Variants in FREM3 observed in about 807,000 individuals in gnomAD.
FREM3 encodes FRAS1 related extracellular matrix 3, also known as FRAS1-related extracellular matrix protein 3.
FREM3 carries 105 observed loss-of-function variants against 129.1 expected under a neutral mutation model. The observed-to-expected ratio is 0.81, with a 90% CI of 0.69 to 0.96. The LOEUF (loss-of-function observed/expected upper bound fraction) is 0.96. Among genes scored for constraint, FREM3 ranks in the 40% least tolerant of loss-of-function variants. The probability of loss-of-function intolerance (pLI) is 0.00; values close to 1 mark genes in which losing one functional copy is unlikely to be tolerated. For missense variants in FREM3, 2,593 were observed against 2,666.3 expected (o/e 0.97, Z 0.61); for synonymous variants, 1,014 against 1,044.9 (o/e 0.97, Z 0.57).
rs909057613 is a variant in FREM3 at position 143,695,602 on chromosome 4, C to G, written c.5074G>C (p.Asp1692His). The G allele has an allele frequency of 1.3e-6, 2 of 1,537,188 alleles. No individual in the cohort carries two copies. The highest frequency in any genetic ancestry group is 2.0e-5 in the Admixed American group (1 of 50,972). ...LITSKSLKAEDQDSPHRLLKY... is the reference protein window; with the variant it reads ...LITSKSLKAEHQDSPHRLLKY... ...AGAAGCCTGTGGGGACTGTCCTGAT[C>G]TTCTGCCTTCAGAGACTTGCTGGTA... is the stretch of plus-strand genomic sequence containing the variant. The change falls in exon 1 of 8, where the codon GAT (aspartate) becomes CAT (histidine). Residue 1692 changes from aspartate (D) to histidine (H), a missense_variant. Asp to His is a moderately conservative substitution (Grantham distance 81). Transcript: ENST00000329798.
At chr4:143,669,026 A>G (rs1739917754) in intron 2 of FREM3, among the ~76,000 whole-genome samples, 1 of 152,138 alleles carries the variant, frequency 6.6e-6, no homozygotes, top group South Asian at 2.1e-4. Context: ...ACTCCAGACA[A>G]TGAAGAGTGT....
intron 6 of FREM3, among the ~76,000 whole-genome samples, chr4:143,600,470 T>C (rs1169179611): frequency 6.6e-6 from 1 of 152,122 alleles, no homozygotes; most frequent in African/African-American, 2.4e-5. Context: ...CAAAACCCTA[T>C]TGAAATAAAA....
chr4:143,700,163 C>G lies in FREM3; in HGVS notation c.513G>C (p.Thr171=), dbSNP rs751138897. 8 of 1,537,044 alleles carry G rather than the reference C, an allele frequency of 5.2e-6. No individual in the cohort carries two copies. The highest frequency in any genetic ancestry group is 2.7e-5 in the African/African-American group (2 of 73,184). ...TCTCCACTACCAAAGGCCTGTTACG[C>G]GTCACCAGCTCCAGCTGGGAGAAGA... ...DLVFSQLELV[T]RNRPLVVEKL... Residue 171 remains threonine (T), a synonymous_variant, in exon 1 of 8, where the codon ACG becomes ACC. Coordinates refer to ENST00000329798, the MANE Select transcript of FREM3 (RefSeq NM_001168235.2).
chr4:143,652,556 A>C (rs1485578157), intron 2 of FREM3, among the ~76,000 whole-genome samples: 3 of 152,172 alleles, frequency 2.0e-5, no homozygotes, highest in Non-Finnish European at 2.9e-5. Context: ...TGAAATATAG[A>C]AAAAAAATCC....
intron 2 of FREM3, among the ~76,000 whole-genome samples, chr4:143,641,592 A>C (rs913564132): frequency 2.0e-5 from 3 of 152,316 alleles, no homozygotes; most frequent in Middle Eastern, 3.4e-3. Flanking sequence ...ACATTGCAAA[A>C]ATAGCCAAAC....
intron 2 of FREM3, among the ~76,000 whole-genome samples, chr4:143,636,869 C>T (rs906988685): frequency 6.6e-6 from 1 of 152,058 alleles, no homozygotes; most frequent in Non-Finnish European, 1.5e-5. Context: ...CAGCCACTGT[C>T]AAATGTTAAA....
chr4:143,653,018 C>T (rs546942626), intron 2 of FREM3, among the ~76,000 whole-genome samples: 1 of 152,288 alleles, frequency 6.6e-6, no homozygotes, highest in East Asian at 1.9e-4. Context: ...AATAATAGGG[C>T]TTGACTCTAT....
chr4:143,620,667 A>T (rs749692753), intron 5 of FREM3, among the ~76,000 whole-genome samples: 4 of 152,250 alleles, frequency 2.6e-5, no homozygotes, highest in Non-Finnish European at 5.9e-5. Context: ...GGCAATGCTG[A>T]CTATTAAAAA....
chr4:143,683,709 G>T (rs186286311), intron 2 of FREM3, among the ~76,000 whole-genome samples: 349 of 152,312 alleles, frequency 2.3e-3, no homozygotes, highest in Non-Finnish European at 3.6e-3. Context: ...AACTCCACAG[G>T]CAGGGAAAGA....
chr4:143,598,130 A>T (rs564990551), intron 6 of FREM3, among the ~76,000 whole-genome samples: 1 of 152,324 alleles, frequency 6.6e-6, no homozygotes, highest in South Asian at 2.1e-4. Context: ...TGGAGGTTAG[A>T]ATTTCAGCAT....
intron 1 of FREM3, among the ~76,000 whole-genome samples, chr4:143,694,987 T>C (rs1289866777): frequency 2.0e-5 from 3 of 152,142 alleles, no homozygotes. Context: ...GAAAAAATAA[T>C]CTCAGGCAAA....
chr4:143,698,258 C>T lies in FREM3; in HGVS notation c.2418G>A (p.Val806=), dbSNP rs1342690959. 2 of 1,537,536 alleles carry T rather than the reference C, an allele frequency of 1.3e-6. No homozygotes were observed. The highest frequency in any genetic ancestry group is 1.7e-6 in the Non-Finnish European group (2 of 1,146,974). ...GCACGCTATTGCCTGCAGCATCTTC[C>T]ACCTGGTAAGTAAACTGCACAACCC... ...APRVVQFTYQ[V]EDAAGNSVPG... The change falls in exon 1 of 8, where the codon GTG becomes GTA. Residue 806 remains valine, a synonymous_variant. Transcript: ENST00000329798.
chr4:143,578,237 G>T (rs574812607), intron 7 of FREM3, among the ~76,000 whole-genome samples: 1 of 152,016 alleles, frequency 6.6e-6, no homozygotes, highest in East Asian at 1.9e-4. Context: ...TTTTGATTAG[G>T]TTTCACTCAT....
At chr4:143,583,821 G>A (rs1202351475) in intron 7 of FREM3, among the ~76,000 whole-genome samples, 1 of 152,116 alleles carries the variant, frequency 6.6e-6, no homozygotes, top group African/African-American at 2.4e-5. Flanking sequence ...ACTAAATATG[G>A]AAATGAAAGA....
In FREM3 at chr4:143,697,930, G is replaced by A. The variant is rs754723348; in HGVS notation, c.2746C>T (p.His916Tyr). 1.4e-4 allele frequency: 208 copies of A among 1,537,850 alleles called. No homozygotes were observed. The highest frequency in any genetic ancestry group is 1.7e-4 in the Non-Finnish European group (199 of 1,147,038). The change falls in exon 1 of 8, where the codon CAT becomes TAT. Residue 916 changes from histidine (H) to tyrosine (Y), a missense_variant. By Grantham distance (83) the His-to-Tyr change is moderately conservative (BLOSUM62 2). Transcript: ENST00000329798. ...TGCACCCCATCACTTACTTCCAGAT[G>A]GAAAGTGTCACTGGTAGTCGTCTGG... ...RDQTTTSDTF[H>Y]LEVSDGVHHI...
intron 2 of FREM3, among the ~76,000 whole-genome samples, chr4:143,655,578 G>C (rs1739585999): frequency 6.6e-6 from 1 of 152,180 alleles, no homozygotes; most frequent in African/African-American, 2.4e-5. Context: ...AATTAAACTT[G>C]TGAAACAAAA....
chr4:143,601,519 G>A (rs1215209032), intron 6 of FREM3, among the ~76,000 whole-genome samples: 2 of 152,192 alleles, frequency 1.3e-5, no homozygotes, highest in Non-Finnish European at 2.9e-5. Context: ...TACTAGTTGA[G>A]TGGAGATAGT....
chr4:143,670,030 A>C (rs975188013), intron 2 of FREM3, among the ~76,000 whole-genome samples: 3 of 152,186 alleles, frequency 2.0e-5, no homozygotes, highest in Admixed American at 1.3e-4. Flanking sequence ...TTTGATATTG[A>C]CTTAATTTCA....
chr4:143,624,457 C>G, intron 3 of FREM3, 119 bp from the exon 4 acceptor site: 1 of 637,908 alleles, frequency 1.6e-6, no homozygotes, highest in Non-Finnish European at 2.7e-6. Context: ...TCTTTTAATG[C>G]TCCCAAAAGA....
Sources: gnomAD v4.1 joint callset for allele counts (sites outside exome capture counted in the v4.1 genomes callset) on GRCh38, gnomAD v4.1.1 for gene constraint, MANE v1.5 for transcripts, NCBI Gene and HGNC (gene_info 2026-07-23, HGNC 2026-07-21) for gene names.